The following FAF1 variants were observed in gnomAD, a reference collection of about 807,000 sequenced individuals.
The protein encoded by FAF1 is FAS-associated factor 1.
FAF1 carries 25 observed loss-of-function variants against 92.5 expected under a neutral mutation model. That is an observed-to-expected ratio of 0.27 (90% CI 0.20 to 0.38). FAF1 has a LOEUF of 0.38. Ranked by LOEUF, FAF1 falls within the 10% of genes least tolerant of loss-of-function variation. FAF1 has a pLI of 1.00. For missense variants in FAF1, 636 were observed against 793.3 expected (o/e 0.80, Z 2.38); for synonymous variants, 234 against 273.2 (o/e 0.86, Z 1.42).
intron 1 of FAF1, among the ~76,000 whole-genome samples, chr1:50,890,501 A>G (rs1173706675): frequency 2.0e-5 from 3 of 152,116 alleles, no homozygotes; most frequent in African/African-American, 7.2e-5. Flanking sequence ...GGCTGGTACC[A>G]GTTGTTCTTT....
chr1:50,881,633 T>C (rs1161338357), intron 1 of FAF1, among the ~76,000 whole-genome samples: 1 of 152,176 alleles, frequency 6.6e-6, no homozygotes, highest in Non-Finnish European at 1.5e-5. Flanking sequence ...AAAGTATCAA[T>C]CGGGAAGACC....
intron 7 of FAF1, among the ~76,000 whole-genome samples, chr1:50,660,976 G>T (rs192893694): frequency 6.6e-6 from 1 of 151,970 alleles, no homozygotes; most frequent in East Asian, 1.9e-4. Flanking sequence ...AGGAAAAGAG[G>T]TGCTAAACAT....
chr1:50,769,188 A>T (rs1660688973), intron 4 of FAF1, among the ~76,000 whole-genome samples: 2 of 152,238 alleles, frequency 1.3e-5, no homozygotes, highest in African/African-American at 4.8e-5. Context: ...ACAAACTAGA[A>T]AACATAGAAG....
At chr1:50,887,978 A>C (rs1344099265) in intron 1 of FAF1, among the ~76,000 whole-genome samples, 2 of 152,118 alleles carry the variant, frequency 1.3e-5, no homozygotes, top group African/African-American at 4.8e-5. Flanking sequence ...CAGTATGGCC[A>C]TTTTCACGAT....
intron 8 of FAF1, among the ~76,000 whole-genome samples, chr1:50,643,165 C>T (rs372845992): frequency 6.6e-6 from 1 of 152,104 alleles, no homozygotes; most frequent in Non-Finnish European, 1.5e-5. Context: ...TTCAGCATTG[C>T]GTTTTATCTC....
intron 18 of FAF1, among the ~76,000 whole-genome samples, chr1:50,465,073 TC>T (rs1269289073): frequency 6.6e-6 from 1 of 152,200 alleles, no homozygotes; most frequent in African/African-American, 2.4e-5. Flanking sequence ...CCATGTTAAT[TC>T]ATCTTTCCAG....
chr1:50,738,073 T>C (rs12141256), intron 6 of FAF1, among the ~76,000 whole-genome samples: 13,527 of 152,154 alleles, frequency 0.089, 838 homozygotes, highest in South Asian at 0.27. Context: ...ATGTGATCAT[T>C]GTATAAATGT....
intron 15 of FAF1, among the ~76,000 whole-genome samples, chr1:50,527,851 C>T (rs1019886017): frequency 1.9e-5 from 2 of 106,482 alleles, no homozygotes; most frequent in African/African-American, 8.7e-5. Context: ...CTCCCTCTCT[C>T]CCTCTCTCCC....
chr1:50,889,472 G>C (rs1474760558), intron 1 of FAF1, among the ~76,000 whole-genome samples: 2 of 152,134 alleles, frequency 1.3e-5, no homozygotes, highest in African/African-American at 4.8e-5. Flanking sequence ...GTCAATTTTA[G>C]ATCTTTCCTG....
rs1223749598 is a variant in FAF1, at chr1:50,819,800, TAC to T, written c.115-18125_115-18124del. Among the ~76,000 whole-genome samples the T allele has an allele frequency of 4.1e-4, 45 of 110,286 alleles. 3 individuals are homozygous for T. Among genetic ancestry groups the T allele is most frequent in the African/African-American group, 1.6e-3 (44 of 27,518 alleles). 72.4% of individuals were successfully genotyped at this position (110,286 alleles called of 152,430 possible). On this transcript the variant is annotated intron_variant, in intron 2 of 18. Transcript: ENST00000396153. ...ATACATATATATACATATATATATA[TAC>T]ATATATATATATATATAGTATTGTA... is the stretch of plus-strand genomic sequence containing the variant.
At chr1:50,471,827 T>TG (rs996392399) in intron 18 of FAF1, among the ~76,000 whole-genome samples, 1 of 151,878 alleles carries the variant, frequency 6.6e-6, no homozygotes, top group African/African-American at 2.4e-5. Context: ...CTCTGAGGGA[T>TG]GTGGATATGG....
At chr1:50,743,231 AACTCATATATAAGT>A (rs1405094146) in intron 5 of FAF1, among the ~76,000 whole-genome samples, 4 of 152,272 alleles carry the variant, frequency 2.6e-5, no homozygotes, top group Non-Finnish European at 5.9e-5. Flanking sequence ...ATTTCAAATG[AACTCATATATAAGT>A]ACTTATAAAC....
intron 2 of FAF1, among the ~76,000 whole-genome samples, chr1:50,805,135 A>G (rs1342661062): frequency 1.3e-5 from 2 of 152,238 alleles, no homozygotes; most frequent in African/African-American, 4.8e-5. Flanking sequence ...AATAGAGAAC[A>G]GAATCAGGAC....
In FAF1 at chr1:50,447,772, A is replaced by G. The variant is rs551008822; in HGVS notation, c.1870-6249T>C. ...CTACATTAGACACAGACAGAGCAAA[A>G]TAAGTTTCTCCAAGCTTTAGGAAAT... On this transcript the variant is annotated intron_variant, in intron 18 of 18. Transcript: ENST00000396153. Among the ~76,000 whole-genome samples, 4 of 152,340 alleles carry G rather than the reference A, an allele frequency of 2.6e-5. No individual in the cohort carries two copies. The East Asian group carries it at 5.8e-4, about 22-fold the overall frequency.
chr1:50,470,758 G>A (rs953163270), intron 18 of FAF1: 1 of 152,206 alleles, frequency 6.6e-6, no homozygotes, highest in Non-Finnish European at 1.5e-5. Context: ...GTTCAGCAGG[G>A]TCAAGTAAGT....
At chr1:50,888,492 G>A (rs1644689116) in intron 1 of FAF1, among the ~76,000 whole-genome samples, 1 of 152,120 alleles carries the variant, frequency 6.6e-6, no homozygotes. Context: ...TGCCCATTCA[G>A]TATGATATTG....
intron 7 of FAF1, among the ~76,000 whole-genome samples, chr1:50,684,020 A>AT (rs1243654464): frequency 6.6e-6 from 1 of 152,178 alleles, no homozygotes; most frequent in East Asian, 1.9e-4. Context: ...AGGAAAAATT[A>AT]ATCAGTTAGT....
At chr1:50,948,111 T>C (rs1645185095) in intron 1 of FAF1, among the ~76,000 whole-genome samples, 1 of 152,138 alleles carries the variant, frequency 6.6e-6, no homozygotes, top group Non-Finnish European at 1.5e-5. Context: ...GGGTACAAGG[T>C]ATGAATGTTA....
intron 4 of FAF1, among the ~76,000 whole-genome samples, chr1:50,748,166 G>T (rs1659702676): frequency 6.6e-6 from 1 of 152,090 alleles, no homozygotes; most frequent in Non-Finnish European, 1.5e-5. Flanking sequence ...GTCTGCAAAG[G>T]ACAGACAAAC....
Sources: gnomAD v4.1 joint callset for allele counts (sites outside exome capture counted in the v4.1 genomes callset) on GRCh38, gnomAD v4.1.1 for gene constraint, MANE v1.5 for transcripts, NCBI Gene and HGNC (gene_info 2026-07-23, HGNC 2026-07-21) for gene names.